The following PSD2 variants were observed in gnomAD, a reference collection of about 807,000 sequenced individuals.
The protein encoded by PSD2 is pleckstrin and Sec7 domain containing 2, also known as PH and SEC7 domain-containing protein 2.
Under a neutral mutation model 69.8 loss-of-function variants are expected in PSD2, and 38 were observed. That is an observed-to-expected ratio of 0.54 (90% CI 0.42 to 0.71). The LOEUF is 0.71. PSD2 is among the 30% of genes least tolerant of loss of function. The pLI is 0.00. For synonymous variants in PSD2, 412 were observed against 423.0 expected (o/e 0.97, Z 0.32); for missense variants, 943 against 1,014.5 (o/e 0.93, Z 0.96).
chr5:139,758,940 T>G, the PSD2 span, among the ~76,000 whole-genome samples: 2 of 152,050 alleles, frequency 1.3e-5, no homozygotes, highest in Non-Finnish European at 2.9e-5. Context: ...CGCTGGGAGG[T>G]TCTGCTGGGC....
the PSD2 span, among the ~76,000 whole-genome samples, chr5:139,749,711 A>G: frequency 6.9e-4 from 105 of 152,248 alleles, no homozygotes; most frequent in Admixed American, 9.8e-4. Context: ...AATTACCTCA[A>G]CTGGCTGGGC....
At chr5:139,745,441 C>T in the PSD2 span, among the ~76,000 whole-genome samples, 1 of 152,248 alleles carries the variant, frequency 6.6e-6, no homozygotes, top group Admixed American at 6.5e-5. Context: ...TATGCTGAGT[C>T]GCCTGGGGAG....
the PSD2 span, among the ~76,000 whole-genome samples, chr5:139,759,530 C>T: frequency 6.6e-6 from 1 of 152,180 alleles, no homozygotes; most frequent in African/African-American, 2.4e-5. Context: ...CGGCGGATGA[C>T]AGGTTGTGGG....
At chr5:139,746,588 C>T in the PSD2 span, among the ~76,000 whole-genome samples, 2 of 152,188 alleles carry the variant, frequency 1.3e-5, no homozygotes, top group Middle Eastern at 3.2e-3. The surrounding 1 kb of genome is among the most constrained non-coding windows in gnomAD (Gnocchi z 4.5). Context: ...TGAGGCACCC[C>T]CGCTTCTTTG....
At chr5:139,782,820 T>C in the PSD2 span, among the ~76,000 whole-genome samples, 1 of 152,186 alleles carries the variant, frequency 6.6e-6, no homozygotes, top group South Asian at 2.1e-4. Context: ...GTCACTTGGC[T>C]TTATTTTATT....
At chr5:139,801,005 G>A (rs1417116975) in intron 1 of PSD2, among the ~76,000 whole-genome samples, 1 of 152,134 alleles carries the variant, frequency 6.6e-6, no homozygotes, top group Non-Finnish European at 1.5e-5. Context: ...AGGAGTTCAA[G>A]ACCAGCCTGG....
At chr5:139,777,868 G>A in the PSD2 span, among the ~76,000 whole-genome samples, 2 of 152,172 alleles carry the variant, frequency 1.3e-5, no homozygotes, top group Non-Finnish European at 2.9e-5. Context: ...GGGTGACAGA[G>A]GGAGATCCTG....
the PSD2 span, among the ~76,000 whole-genome samples, chr5:139,780,470 G>A: frequency 6.6e-5 from 10 of 151,856 alleles, no homozygotes; most frequent in Admixed American, 1.3e-4. Flanking sequence ...TTGAGACATT[G>A]TCTCGCTCTA....
chr5:139,810,589 T>C (rs938872570), intron 2 of PSD2, among the ~76,000 whole-genome samples: 1 of 152,122 alleles, frequency 6.6e-6, no homozygotes, highest in African/African-American at 2.4e-5. Flanking sequence ...ATGGGGTTGG[T>C]GGCTGTGGGT....
chr5:139,783,943 CTTT>C, the PSD2 span, among the ~76,000 whole-genome samples: 31 of 87,884 alleles, frequency 3.5e-4, no homozygotes, highest in African/African-American at 4.6e-4. Flanking sequence ...TCTGCTAGCT[CTTT>C]TTTTTTTTTT....
chr5:139,745,399 A>C, the PSD2 span: 10 of 152,482 alleles, frequency 6.6e-5, no homozygotes, highest in African/African-American at 2.4e-4. Context: ...ACATTTGCCC[A>C]TTAACAGCCC....
At chr5:139,813,876 A>G (rs1760044653) in intron 3 of PSD2, 118 bp downstream of exon 3, 1 of 868,182 alleles carries the variant, frequency 1.2e-6, no homozygotes, top group Non-Finnish European at 1.7e-6. Flanking sequence ...CTTCAAGGTC[A>G]CCTGGTCTAC....
At chr5:139,796,271 G>A (rs1016436456) in intron 1 of PSD2, among the ~76,000 whole-genome samples, 1 of 152,182 alleles carries the variant, frequency 6.6e-6, no homozygotes, top group Non-Finnish European at 1.5e-5. Context: ...GGACGGTGGG[G>A]GCTGCCGGGC....
chr5:139,784,764 T>C, the PSD2 span, among the ~76,000 whole-genome samples: 13 of 147,892 alleles, frequency 8.8e-5, no homozygotes, highest in African/African-American at 1.2e-4. Flanking sequence ...ATTCCCCCCC[T>C]TTTTTTTTTG....
At chr5:139,820,579 G>A (rs1760234717) in intron 5 of PSD2, among the ~76,000 whole-genome samples, 1 of 152,134 alleles carries the variant, frequency 6.6e-6, no homozygotes, top group Admixed American at 6.5e-5. Context: ...AGCAAAGTGG[G>A]CATTGCAGCA....
chr5:139,771,884 G>A, the PSD2 span, among the ~76,000 whole-genome samples: 7 of 152,166 alleles, frequency 4.6e-5, no homozygotes, highest in African/African-American at 1.7e-4. Flanking sequence ...GCCATCCAAG[G>A]ACCACGGTCC....
At chr5:139,803,893 G>T (rs1161530995) in intron 1 of PSD2, among the ~76,000 whole-genome samples, 1 of 152,150 alleles carries the variant, frequency 6.6e-6, no homozygotes, top group Non-Finnish European at 1.5e-5. Flanking sequence ...CTTAACTCCA[G>T]GCCCCTTGGT....
chr5:139,809,913 C>A, intron 2 of PSD2, 102 bp downstream of exon 2: 2 of 1,289,158 alleles, frequency 1.6e-6, no homozygotes, highest in South Asian at 1.3e-5. Context: ...GTTTTTCTCA[C>A]ACATAAAATG....
At chr5:139,793,538 A>G (rs1237486850), upstream of PSD2, among the ~76,000 whole-genome samples, 8 of 152,346 alleles carry the variant, frequency 5.3e-5, no homozygotes, top group East Asian at 1.5e-3. Context: ...CAGGGGGCAG[A>G]TCCAGGGGGC....
Sources: gnomAD v4.1 joint callset for allele counts (sites outside exome capture counted in the v4.1 genomes callset) on GRCh38, gnomAD v4.1.1 for gene constraint, Gnocchi (gnomAD v3.1) non-coding constraint, MANE v1.5 for transcripts, NCBI Gene and HGNC (gene_info 2026-07-23, HGNC 2026-07-21) for gene names.